Variants in HOXA3 observed in about 807,000 individuals in gnomAD.
HOXA3 encodes homeobox A3.
A neutral mutation model predicts 30.3 loss-of-function variants in HOXA3; 8 were observed. The observed-to-expected ratio is 0.26, with a 90% confidence interval of 0.15 to 0.48. The LOEUF (loss-of-function observed/expected upper bound fraction) is 0.48. Ranked by LOEUF, HOXA3 falls within the 20% of genes least tolerant of loss-of-function variation. The pLI, the probability that HOXA3 is intolerant of heterozygous loss-of-function variation, is 0.99. For missense variants in HOXA3, 653 were observed against 614.4 expected (o/e 1.06, Z -0.66); for synonymous variants, 323 against 273.1 (o/e 1.18, Z -1.80).
chr7:27,114,690 G>T (rs575871120), intron 4 of HOXA3, among the ~76,000 whole-genome samples: 4 of 142,098 alleles, frequency 2.8e-5, no homozygotes, highest in Admixed American at 1.5e-4. Flanking sequence ...CAGACACGCA[G>T]CTCACCCACA....
At chr7:27,141,438 A>C (rs1459975382) in intron 1 of HOXA3, 3 of 172,054 alleles carry the variant, frequency 1.7e-5, no homozygotes, top group African/African-American at 7.2e-5. Context: ...TTGAGACAGG[A>C]ACACTTCCAC....
At chr7:27,144,625 C>T (rs1782688169) in intron 1 of HOXA3, among the ~76,000 whole-genome samples, 1 of 152,344 alleles carries the variant, frequency 6.6e-6, no homozygotes, top group South Asian at 2.1e-4. Flanking sequence ...GCCACAGAGG[C>T]TGCCTGGGGT....
chr7:27,147,416 T>A, intron 1 of HOXA3: 1 of 1,614,212 alleles, frequency 6.2e-7, no homozygotes, highest in African/African-American at 1.3e-5. Context: ...CTGTCGGGTT[T>A]GTACTGCTGC....
intron 1 of HOXA3, chr7:27,151,813 A>T (rs1782981236): frequency 2.6e-6 from 1 of 388,334 alleles, no homozygotes; most frequent in African/African-American, 2.1e-5. Flanking sequence ...CCACCTTCCC[A>T]GGTCAAGGAT....
intron 4 of HOXA3, among the ~76,000 whole-genome samples, chr7:27,120,536 CAAAAA>C (rs5883061): frequency 5.9e-5 from 5 of 84,244 alleles, no homozygotes; most frequent in Admixed American, 1.3e-4. Context: ...GCGACTCTGT[CAAAAA>C]AAAAAAAAAA....
chr7:27,111,990 T>C (rs1784405500), intron 4 of HOXA3, among the ~76,000 whole-genome samples: 1 of 152,208 alleles, frequency 6.6e-6, no homozygotes, highest in Non-Finnish European at 1.5e-5. Flanking sequence ...CTTGGCCTAT[T>C]TACCTGCTTC....
intron 1 of HOXA3, chr7:27,147,692 A>T: frequency 6.2e-7 from 1 of 1,613,438 alleles, no homozygotes; most frequent in Non-Finnish European, 8.5e-7. Context: ...CCCAAGAAGG[A>T]GTCCTGGCCG....
chr7:27,138,867 C>A (rs1030820345), intron 2 of HOXA3, among the ~76,000 whole-genome samples: 2 of 152,206 alleles, frequency 1.3e-5, no homozygotes, highest in African/African-American at 4.8e-5. Context: ...CAATTTCTTC[C>A]CTAAACTACC....
chr7:27,128,389 T>C (rs1036702570), intron 2 of HOXA3: 3 of 152,228 alleles, frequency 2.0e-5, no homozygotes, highest in African/African-American at 7.2e-5. Flanking sequence ...ACAAATTATG[T>C]GAGCCGTCAG....
intron 1 of HOXA3, among the ~76,000 whole-genome samples, chr7:27,144,952 C>T (rs1415429933): frequency 2.0e-5 from 3 of 152,184 alleles, no homozygotes; most frequent in Non-Finnish European, 4.4e-5. Context: ...AGCGGGAATC[C>T]GGAGCCGGGA....
At chr7:27,139,517 A>G (rs1271521573) in intron 2 of HOXA3, among the ~76,000 whole-genome samples, 1 of 152,230 alleles carries the variant, frequency 6.6e-6, no homozygotes, top group Non-Finnish European at 1.5e-5. Flanking sequence ...GCCTCAATTC[A>G]GCCCTGCCAA....
At chr7:27,110,785 G>A (rs1233434620) in intron 4 of HOXA3, 25 bp from the exon 5 acceptor site, 3 of 1,250,318 alleles carry the variant, frequency 2.4e-6, no homozygotes, top group South Asian at 2.8e-5. Flanking sequence ...AGCGCAGCGC[G>A]GTGAGGGCTC....
intron 2 of HOXA3, chr7:27,129,920 C>T (rs2128054308): frequency 3.1e-6 from 2 of 637,434 alleles, no homozygotes; most frequent in South Asian, 1.9e-5. Context: ...TAAAGGGACC[C>T]TGGGTACAAA....
intron 2 of HOXA3, chr7:27,128,911 G>A: frequency 2.4e-6 from 1 of 409,484 alleles, no homozygotes; most frequent in Non-Finnish European, 4.5e-6. Context: ...GGGCTGTCCA[G>A]CTAGCTGACT....
intron 4 of HOXA3, among the ~76,000 whole-genome samples, chr7:27,120,430 A>G (rs1170197718): frequency 1.3e-5 from 2 of 149,590 alleles, no homozygotes; most frequent in Non-Finnish European, 3.0e-5. Flanking sequence ...AATCCCAGCT[A>G]GTCGGGAGGC....
intron 2 of HOXA3, among the ~76,000 whole-genome samples, chr7:27,137,686 A>G (rs1187780363): frequency 6.6e-6 from 1 of 152,238 alleles, no homozygotes; most frequent in Non-Finnish European, 1.5e-5. Context: ...TTTTAATTCC[A>G]TGTGGCCATG....
Position 27,108,319 on chromosome 7 carries a change from CG to C in HOXA3, c.927del (p.Ala310ProfsTer66). On this transcript the variant is annotated frameshift_variant, in exon 6 of 6. Coordinates refer to ENST00000612286, the MANE Select transcript of HOXA3 (RefSeq NM_153631.3). LOFTEE classifies it high-confidence loss of function. This position sits in a 1 kb window ranked among gnomAD's most constrained non-coding sequence, Gnocchi z 5.0. ...CTGGGCAGGGACGCAGGGTAGGAGG[CG>C]GGGGGCAGCCCGTAGGTACCCTGGG... is the stretch of plus-strand genomic sequence containing the variant. Reference protein sequence around the residue: ...KPPQGTYGLPPASYPASLPSC... With the variant: ...KPPQGTYGLPXASYPASLPSC... The C allele has an allele frequency of 6.7e-7, 1 of 1,502,154 alleles. No homozygotes were observed. The highest frequency in any genetic ancestry group is 9.0e-7 in the Non-Finnish European group (1 of 1,117,014). The allele number at this position is 1,502,154 out of a possible 1,614,324, so 93.1% of individuals were successfully genotyped here.
chr7:27,152,438 G>A lies in HOXA3; in HGVS notation c.-644C>T. 8.7e-7 allele frequency: 1 copy of A among 1,153,612 alleles called. No homozygotes were observed. 71.5% of individuals were successfully genotyped at this position (1,153,612 alleles called of 1,614,324 possible). A position where few individuals can be genotyped will look rare whatever the true frequency, so the allele number is the denominator to read the frequency against. ...AAGCTGCTGCCGCGGCGCCGGGAAC[G>A]GAGCGCGCCCAATCTCCAGCGGGAG... On this transcript the variant is annotated 5_prime_UTR_variant, in exon 1 of 6. Coordinates refer to ENST00000612286, the MANE Select transcript of HOXA3 (RefSeq NM_153631.3).
intron 2 of HOXA3, chr7:27,130,760 T>C (rs1785521364): frequency 2.5e-6 from 4 of 1,590,706 alleles, no homozygotes; most frequent in African/African-American, 1.3e-5. Flanking sequence ...AAAATACTAA[T>C]TTTTCTCGCG....
Sources: allele counts gnomAD v4.1 joint callset (sites outside exome capture counted in the v4.1 genomes callset), GRCh38; gene constraint gnomAD v4.1.1; non-coding constraint Gnocchi (gnomAD v3.1); transcripts MANE v1.5; gene names NCBI Gene and HGNC (gene_info 2026-07-23, HGNC 2026-07-21).